Variants in ERICH3 observed in about 807,000 individuals in gnomAD.
ERICH3 encodes the protein glutamate rich 3.
Under a neutral mutation model 131.1 loss-of-function variants are expected in ERICH3, and 126 were observed. That is an observed-to-expected ratio of 0.96 (90% CI 0.83 to 1.11). The LOEUF is 1.11. Ranked by LOEUF, ERICH3 falls within the 50% of genes most tolerant of loss-of-function variation. The pLI is 0.00. For synonymous variants in ERICH3, 695 were observed against 644.6 expected (o/e 1.08, Z -1.18); for missense variants, 2,050 against 1,810.7 (o/e 1.13, Z -2.40).
intron 5 of ERICH3, among the ~76,000 whole-genome samples, chr1:74,638,955 C>A (rs910557455): frequency 6.6e-6 from 1 of 152,068 alleles, no homozygotes; most frequent in African/African-American, 2.4e-5. Flanking sequence ...GGGGAGGAGA[C>A]CCTTTTGTTT....
intron 1 of ERICH3, among the ~76,000 whole-genome samples, chr1:74,653,677 G>A (rs1646558227): frequency 6.6e-6 from 1 of 152,050 alleles, no homozygotes; most frequent in Non-Finnish European, 1.5e-5. Flanking sequence ...TTACTAAAGT[G>A]GAAAAGCTCC....
At chr1:74,612,547 G>T (rs1648746119) in intron 9 of ERICH3, 76 bp downstream of exon 9, 12 of 1,273,328 alleles carry the variant, frequency 9.4e-6, no homozygotes, top group Non-Finnish European at 1.3e-5. Flanking sequence ...ATTGTGAAGA[G>T]AAATGCATTA....
At chr1:74,645,856 A>C (rs903526345) in intron 3 of ERICH3, among the ~76,000 whole-genome samples, 1 of 152,100 alleles carries the variant, frequency 6.6e-6, no homozygotes, top group Non-Finnish European at 1.5e-5. Flanking sequence ...ACTAGACTTC[A>C]TATTGGTTTA....
intron 13 of ERICH3, 29 bp from the exon 14 acceptor site, chr1:74,573,520 T>A: frequency 6.7e-7 from 1 of 1,487,338 alleles, no homozygotes; most frequent in Non-Finnish European, 8.9e-7. Context: ...AAATCAAGAT[T>A]ACTTTAATCC....
chr1:74,661,909 G>A (rs1646645614), intron 1 of ERICH3, among the ~76,000 whole-genome samples: 1 of 152,060 alleles, frequency 6.6e-6, no homozygotes, highest in African/African-American at 2.4e-5. Context: ...ATAGTTTTTT[G>A]CACTGGACAT....
chr1:74,576,144 A>G (rs1001517160), intron 13 of ERICH3, among the ~76,000 whole-genome samples: 1 of 152,234 alleles, frequency 6.6e-6, no homozygotes, highest in Non-Finnish European at 1.5e-5. Context: ...AAATGGGAAT[A>G]GCAATGCTGT....
intron 12 of ERICH3, among the ~76,000 whole-genome samples, chr1:74,583,946 T>C (rs1647226757): frequency 6.6e-6 from 1 of 151,760 alleles, no homozygotes; most frequent in East Asian, 1.9e-4. Context: ...CAGAAGAGGG[T>C]TTTGTCAAGA....
At chr1:74,646,577 A>C (rs1028287627) in intron 3 of ERICH3, 90 bp downstream of exon 3, 3 of 824,680 alleles carry the variant, frequency 3.6e-6, no homozygotes, top group Non-Finnish European at 5.1e-6. Flanking sequence ...ATCAATTACA[A>C]AGAAAATAGT....
chr1:74,628,440 A>G (rs944652466), intron 7 of ERICH3, among the ~76,000 whole-genome samples: 1 of 152,096 alleles, frequency 6.6e-6, no homozygotes, highest in Non-Finnish European at 1.5e-5. Context: ...GTATAAATGT[A>G]TTTTCTCTTA....
intron 12 of ERICH3, among the ~76,000 whole-genome samples, chr1:74,583,779 A>G (rs983187093): frequency 6.6e-5 from 10 of 152,180 alleles, no homozygotes; most frequent in African/African-American, 2.4e-4. Flanking sequence ...CTCAAATGTC[A>G]AAATACAAAT....
chr1:74,604,401 C>T (rs1648289303), intron 10 of ERICH3, among the ~76,000 whole-genome samples: 1 of 151,912 alleles, frequency 6.6e-6, no homozygotes, highest in South Asian at 2.1e-4. Flanking sequence ...TACCTCCTTC[C>T]ATGAATCATG....
At position 74,572,359 on chromosome 1, in the gene ERICH3, A is replaced by G; in HGVS notation, c.3351T>C (p.Ala1117=). 1.2e-6 allele frequency: 2 copies of G among 1,613,456 alleles called. No individual in the cohort carries two copies. Among genetic ancestry groups the G allele is most frequent in the Non-Finnish European group, 1.7e-6 (2 of 1,179,922 alleles). ...CATCAGATCCCATTTCATTTGGGGG[A>G]GCTTTTGTCTCTTCCTCAGCTCTTA... The part of the protein sequence containing the change: ...TEVRAEEETK[A]PPNEMGSDAE... Residue 1117 remains alanine, a synonymous_variant, in exon 14 of 15, where the codon GCT becomes GCC. Coordinates refer to ENST00000326665, the MANE Select transcript of ERICH3 (RefSeq NM_001002912.5).
chr1:74,668,464 T>C (rs904863102), intron 1 of ERICH3, among the ~76,000 whole-genome samples: 1 of 152,200 alleles, frequency 6.6e-6, no homozygotes, highest in Non-Finnish European at 1.5e-5. Flanking sequence ...AACACTGTAG[T>C]TTCCAATGCT....
chr1:74,668,301 G>T (rs1417721072), intron 1 of ERICH3, among the ~76,000 whole-genome samples: 1 of 152,092 alleles, frequency 6.6e-6, no homozygotes, highest in Non-Finnish European at 1.5e-5. Context: ...GAATTTTCCA[G>T]CAGAAGGACA....
intron 5 of ERICH3, among the ~76,000 whole-genome samples, chr1:74,639,030 C>T (rs992042225): frequency 6.6e-6 from 1 of 151,994 alleles, no homozygotes; most frequent in Non-Finnish European, 1.5e-5. Context: ...TATGAGAAGC[C>T]AAGTGGATTG....
chr1:74,641,525 C>T, intron 4 of ERICH3, 66 bp from the exon 5 acceptor site: 1 of 1,508,876 alleles, frequency 6.6e-7, no homozygotes, highest in South Asian at 1.2e-5. Flanking sequence ...TTATGCATGA[C>T]ATGTGCGAAA....
chr1:74,638,133 T>C (rs1646408158), intron 5 of ERICH3, among the ~76,000 whole-genome samples: 1 of 152,146 alleles, frequency 6.6e-6, no homozygotes, highest in African/African-American at 2.4e-5. Flanking sequence ...GAAAAGTGTG[T>C]GTAAATACTT....
At chr1:74,633,620 T>C (rs1215102424) in intron 6 of ERICH3, among the ~76,000 whole-genome samples, 3 of 151,980 alleles carry the variant, frequency 2.0e-5, no homozygotes, top group Non-Finnish European at 4.4e-5. Context: ...GTGCAAGTAA[T>C]AATACTTTTT....
intron 1 of ERICH3, among the ~76,000 whole-genome samples, chr1:74,651,857 A>G (rs988750887): frequency 6.6e-6 from 1 of 152,170 alleles, no homozygotes; most frequent in East Asian, 1.9e-4. Context: ...CTTCTTTAAT[A>G]TTTAGATCCT....
Sources: gnomAD v4.1 joint callset for allele counts (sites outside exome capture counted in the v4.1 genomes callset) on GRCh38, gnomAD v4.1.1 for gene constraint, MANE v1.5 for transcripts, NCBI Gene and HGNC (gene_info 2026-07-23, HGNC 2026-07-21) for gene names.